The following CUX1 variants were observed in gnomAD, a reference collection of about 807,000 sequenced individuals.
CUX1 encodes protein CASP.
In CUX1, 31 loss-of-function variants were observed where a neutral mutation model predicts 158.8. The ratio of observed to expected loss-of-function variants is 0.20; its 90% confidence interval spans 0.15 to 0.26. The LOEUF is 0.26. Ranked by LOEUF, CUX1 falls within the 10% of genes least tolerant of loss-of-function variation. The pLI, the probability that CUX1 is intolerant of heterozygous loss-of-function variation, is 1.00. For missense variants in CUX1, 1,589 were observed against 2,014.6 expected, an observed-to-expected ratio of 0.79 and a Z score of 4.04; for synonymous variants, 879 against 862.1, an observed-to-expected ratio of 1.02 and a Z score of -0.34.
At position 102,195,487 on chromosome 7, in the gene CUX1, C is replaced by G. The variant is rs1554517975; in HGVS notation, c.1126-20C>G. ...TGAGTGGCCGGCCCCGCAGTGAGAC[C>G]CCCGCTCTGCCCCTTCTAGGATGCG... On this transcript the variant is annotated intron_variant, in intron 13 of 23. Coordinates refer to ENST00000292535, the MANE Select transcript of CUX1 (RefSeq NM_181552.4). 1 of 1,599,914 alleles carries G rather than the reference C, an allele frequency of 6.3e-7. No individual in the cohort carries two copies. Among genetic ancestry groups the G allele is most frequent in the African/African-American group, 1.3e-5 (1 of 74,848 alleles).
chr7:102,030,207 T>TTAGAC (rs1820562251), intron 3 of CUX1, among the ~76,000 whole-genome samples: 1 of 152,172 alleles, frequency 6.6e-6, no homozygotes, highest in Non-Finnish European at 1.5e-5. Context: ...AGACGGGGTT[T>TTAGAC]CATCATACTG....
At chr7:102,258,298 C>T (rs1554542791), downstream of CUX1, 2 of 635,352 alleles carry the variant, frequency 3.1e-6, no homozygotes, top group African/African-American at 2.0e-5. Context: ...CACTGTCATT[C>T]GAGGTCCAAA....
intron 22 of CUX1, chr7:102,282,807 C>T (rs1554549732): frequency 1.4e-6 from 2 of 1,471,014 alleles, no homozygotes; most frequent in African/African-American, 2.9e-5. Context: ...CCCCCCTCAG[C>T]CCCACAGCGA....
At chr7:101,965,643 C>G (rs1488604286) in intron 2 of CUX1, among the ~76,000 whole-genome samples, 1 of 151,786 alleles carries the variant, frequency 6.6e-6, no homozygotes, top group East Asian at 1.9e-4. Flanking sequence ...GTCAGGAGAT[C>G]GAGACCATCC....
chr7:101,993,092 G>A (rs948948043), intron 2 of CUX1, among the ~76,000 whole-genome samples: 1 of 152,140 alleles, frequency 6.6e-6, no homozygotes. Context: ...CACTTTGAGA[G>A]GCCAAAGCAG....
chr7:102,273,501 C>T lies in CUX1; in HGVS notation c.1383+8C>T, dbSNP rs782233237. Reference sequence around the variant, plus strand: ...CAGCGGCCCGATGCCGAGGTGAGCCCACCCCCCTGCCCCATGCCCATCTCG... The same window carrying T: ...CAGCGGCCCGATGCCGAGGTGAGCCTACCCCCCTGCCCCATGCCCATCTCG... On this transcript the variant is annotated splice_region_variant and intron_variant, in intron 15 of 22. Coordinates refer to the CUX1 transcript ENST00000292538. 25 of 1,608,112 alleles carry T rather than the reference C, an allele frequency of 1.6e-5. No individual in the cohort carries two copies. The highest frequency in any genetic ancestry group is 3.3e-4 in the Middle Eastern group (2 of 6,058).
intron 3 of CUX1, among the ~76,000 whole-genome samples, chr7:102,043,769 C>T (rs1227779852): frequency 6.6e-6 from 1 of 152,058 alleles, no homozygotes; most frequent in Non-Finnish European, 1.5e-5. Context: ...TTGGGGGGAA[C>T]CTCCGTACTG....
intron 1 of CUX1, among the ~76,000 whole-genome samples, chr7:101,913,658 C>T (rs971953005): frequency 7.9e-5 from 12 of 152,090 alleles, no homozygotes; most frequent in Admixed American, 3.9e-4. Context: ...ATACCTCCAG[C>T]GCCTGCCAAC....
intron 2 of CUX1, among the ~76,000 whole-genome samples, chr7:101,997,672 T>C (rs576454341): frequency 6.6e-6 from 1 of 152,242 alleles, no homozygotes; most frequent in African/African-American, 2.4e-5. Context: ...CACTAATACC[T>C]ACTTGTGTCC....
In CUX1 at chr7:102,205,904, C is replaced by T. The variant is rs577136089; in HGVS notation, c.3130+734C>T. Among the ~76,000 whole-genome samples, 24 of 152,246 alleles carry T rather than the reference C, an allele frequency of 1.6e-4. 1 individual carries two copies. Among genetic ancestry groups the T allele is most frequent in the South Asian group, 1.0e-3 (5 of 4,824 alleles). On this transcript the variant is annotated intron_variant, in intron 20 of 23. Coordinates refer to ENST00000292535, the MANE Select transcript of CUX1 (RefSeq NM_181552.4). ...GCGCCCCCCCGCCTCCCTTCTCGTG[C>T]GCCAATCCCACACTTGGAGCTGAGC...
chr7:101,888,105 G>T (rs1800443476), intron 1 of CUX1, among the ~76,000 whole-genome samples: 1 of 152,086 alleles, frequency 6.6e-6, no homozygotes, highest in South Asian at 2.1e-4. Flanking sequence ...AGGCTGAGGT[G>T]GGGGGATCAC....
chr7:101,992,085 C>A (rs1302179103), intron 2 of CUX1, among the ~76,000 whole-genome samples: 1 of 152,184 alleles, frequency 6.6e-6, no homozygotes, highest in Admixed American at 6.5e-5. Context: ...TGGCCAAGGT[C>A]ACATCTTAGA....
chr7:102,059,664 C>T (rs911216363), intron 3 of CUX1, among the ~76,000 whole-genome samples: 3 of 151,202 alleles, frequency 2.0e-5, no homozygotes, highest in African/African-American at 4.9e-5. Flanking sequence ...TTAAAACCCT[C>T]AAGATTTGGC....
intron 1 of CUX1, among the ~76,000 whole-genome samples, chr7:101,889,141 C>T (rs1188558765): frequency 1.3e-5 from 2 of 151,484 alleles, no homozygotes; most frequent in African/African-American, 4.8e-5. Context: ...TACCTGTGAT[C>T]CCAGATACTT....
intron 8 of CUX1, among the ~76,000 whole-genome samples, chr7:102,156,645 G>T (rs1789792404): frequency 6.6e-6 from 1 of 152,120 alleles, no homozygotes; most frequent in Admixed American, 6.5e-5. Context: ...TAGCAGGGTG[G>T]GTGGGTACTC....
At position 102,041,256 on chromosome 7, in the gene CUX1, C is replaced by CTTTTTTT. The variant is rs11427183; in HGVS notation, c.189+13132_189+13138dup. Among the ~76,000 whole-genome samples the CTTTTTTT allele has an allele frequency of 8.7e-4, 61 of 69,912 alleles. 13 individuals are homozygous for CTTTTTTT. The highest frequency in any genetic ancestry group is 1.2e-3 in the Non-Finnish European group (46 of 38,382). 45.9% of individuals were successfully genotyped at this position (69,912 alleles called of 152,430 possible). On this transcript the variant is annotated intron_variant, in intron 3 of 23. Transcript: ENST00000292535. ...GGGAGATTGTCACCTCTTATCCATT[C>CTTTTTTT]TTTTTTTTTTTTTTTTTTTTTTTTT... is the stretch of plus-strand genomic sequence containing the variant.
chr7:102,004,515 A>G (rs1314828577), intron 2 of CUX1, among the ~76,000 whole-genome samples: 2 of 152,218 alleles, frequency 1.3e-5, no homozygotes. Context: ...CGTAAATCAC[A>G]ATAAACTTTC....
chr7:102,281,642 G>C (rs1277274030), intron 20 of CUX1, among the ~76,000 whole-genome samples: 1 of 151,762 alleles, frequency 6.6e-6, no homozygotes, highest in Non-Finnish European at 1.5e-5. Flanking sequence ...CAGCCTGGGC[G>C]ACAGAGGGAG....
At chr7:101,852,324 T>A (rs78020071) in intron 1 of CUX1, among the ~76,000 whole-genome samples, 8,429 of 152,090 alleles carry the variant, frequency 0.055, 807 homozygotes, top group African/African-American at 0.19. Flanking sequence ...CACAGTTTTT[T>A]AAAAAGTTTT....
Sources: allele counts gnomAD v4.1 joint callset (sites outside exome capture counted in the v4.1 genomes callset), GRCh38; gene constraint gnomAD v4.1.1; transcripts MANE v1.5; gene names NCBI Gene and HGNC (gene_info 2026-07-23, HGNC 2026-07-21).